Variants in KIF26B observed in about 807,000 individuals in gnomAD.
KIF26B encodes kinesin family member 26B.
A neutral mutation model predicts 151.2 loss-of-function variants in KIF26B; 63 were observed. That is an observed-to-expected ratio of 0.42 (90% CI 0.34 to 0.51). The LOEUF (loss-of-function observed/expected upper bound fraction) is 0.51, where lower values mean the gene tolerates loss of function less well. Ranked by LOEUF, KIF26B falls within the 20% of genes least tolerant of loss-of-function variation. The pLI, the probability that KIF26B is intolerant of heterozygous loss-of-function variation, is 0.07. For missense variants in KIF26B, 2,813 were observed against 2,913.6 expected (o/e 0.97, Z 0.79); for synonymous variants, 1,357 against 1,262.1 (o/e 1.08, Z -1.59).
At chr1:245,547,447 A>G (rs150763975) in intron 5 of KIF26B, among the ~76,000 whole-genome samples, 2,771 of 152,154 alleles carry the variant, frequency 0.018, 84 homozygotes, top group African/African-American at 0.063. Context: ...TTAGCCAGGC[A>G]TGGTGGCAGG....
At chr1:245,371,297 G>C (rs1233743774) in intron 3 of KIF26B, 1 of 152,346 alleles carries the variant, frequency 6.6e-6, no homozygotes, top group African/African-American at 2.4e-5. Flanking sequence ...TCCTGTTGCG[G>C]ACATCTCCCT....
intron 10 of KIF26B, among the ~76,000 whole-genome samples, chr1:245,679,471 T>G (rs1195265336): frequency 1.5e-4 from 21 of 136,720 alleles, no homozygotes; most frequent in South Asian, 5.1e-4. Context: ...TTTTTTTTTT[T>G]TTTTTTTTTT....
intron 11 of KIF26B, 28 bp from the exon 12 acceptor site, chr1:245,685,374 GCCA>G (rs1372966271): frequency 4.5e-6 from 7 of 1,553,784 alleles, no homozygotes; most frequent in Admixed American, 1.8e-5. Flanking sequence ...CCACGGAAAG[GCCA>G]CCACATTAAC....
chr1:245,265,587 C>CTTTT (rs34317893), intron 2 of KIF26B, among the ~76,000 whole-genome samples: 1 of 140,832 alleles, frequency 7.1e-6, no homozygotes, highest in African/African-American at 2.6e-5. Flanking sequence ...TAGAGAATGA[C>CTTTT]TTTTTTTTTT....
chr1:245,221,998 CAG>C (rs1400635409), intron 2 of KIF26B, among the ~76,000 whole-genome samples: 3 of 152,152 alleles, frequency 2.0e-5, no homozygotes, highest in Admixed American at 6.5e-5. Context: ...TTGGCAGAGA[CAG>C]AGAGGGAAAC....
intron 3 of KIF26B, among the ~76,000 whole-genome samples, chr1:245,396,719 C>T (rs968350703): frequency 5.3e-5 from 8 of 152,106 alleles, no homozygotes; most frequent in East Asian, 1.9e-4. Flanking sequence ...ATATAGATGC[C>T]AATTATCCAT....
intron 4 of KIF26B, among the ~76,000 whole-genome samples, chr1:245,532,248 C>CTTTTCTTT (rs374051918): frequency 4.1e-5 from 5 of 121,460 alleles, no homozygotes; most frequent in Non-Finnish European, 6.6e-5. Flanking sequence ...CTTTTCTTTT[C>CTTTTCTTT]TTTTTTTTTT....
intron 4 of KIF26B, among the ~76,000 whole-genome samples, chr1:245,431,624 G>A (rs1216112748): frequency 2.0e-5 from 3 of 152,162 alleles, no homozygotes; most frequent in Admixed American, 6.5e-5. Context: ...GATTACAGGC[G>A]TGAACCACTG....
intron 10 of KIF26B, among the ~76,000 whole-genome samples, chr1:245,668,382 A>G (rs1275225696): frequency 6.6e-6 from 1 of 152,218 alleles, no homozygotes; most frequent in African/African-American, 2.4e-5. Context: ...CCTTCTTTTC[A>G]AACAAAATAA....
At chr1:245,598,503 G>A (rs1558230680) in intron 5 of KIF26B, among the ~76,000 whole-genome samples, 1 of 152,294 alleles carries the variant, frequency 6.6e-6, no homozygotes, top group Middle Eastern at 3.4e-3. Context: ...GCTACGCTCC[G>A]TGACGAGGGA....
At chr1:245,164,602 A>G (rs78124700) in intron 2 of KIF26B, among the ~76,000 whole-genome samples, 4,078 of 152,312 alleles carry the variant, frequency 0.027, 65 homozygotes, top group Admixed American at 0.061. Flanking sequence ...CATATGGGGA[A>G]CTGAAGTCGC....
chr1:245,360,585 T>G (rs1040284534), intron 2 of KIF26B, among the ~76,000 whole-genome samples: 4 of 152,176 alleles, frequency 2.6e-5, no homozygotes, highest in Non-Finnish European at 4.4e-5. Context: ...TTAGAGAGAT[T>G]TGTGAAAAAT....
In KIF26B at chr1:245,707,120, A is replaced by C. The variant is rs1400276403; in HGVS notation, c.*4514A>C. 6.6e-6 allele frequency: 1 copy of C among 152,140 alleles called. No individual in the cohort carries two copies. The highest frequency in any genetic ancestry group is 1.9e-4 in the East Asian group (1 of 5,198). The allele number at this position is 152,140 out of a possible 1,614,324, so 9.4% of individuals were successfully genotyped here. On this transcript the variant is annotated 3_prime_UTR_variant, in exon 15 of 15. Coordinates refer to ENST00000407071, the MANE Select transcript of KIF26B (RefSeq NM_018012.4). Reference sequence around the variant, plus strand: ...TCATTTAAGCTCATCTTCTCAAAAAAATTTTTTCTGAAAATTCCTGGAAAC... The same window carrying C: ...TCATTTAAGCTCATCTTCTCAAAAACATTTTTTCTGAAAATTCCTGGAAAC...
At chr1:245,544,782 A>G (rs1282790295) in intron 5 of KIF26B, among the ~76,000 whole-genome samples, 1 of 152,228 alleles carries the variant, frequency 6.6e-6, no homozygotes, top group Non-Finnish European at 1.5e-5. Flanking sequence ...TTTCAGAGTC[A>G]GGATTGGGAG....
chr1:245,577,611 C>T (rs555245228), intron 5 of KIF26B, among the ~76,000 whole-genome samples: 2 of 149,354 alleles, frequency 1.3e-5, no homozygotes, highest in Admixed American at 6.6e-5. Context: ...TTGTGGAACT[C>T]GGCAGTGCAT....
At chr1:245,542,919 G>A (rs1257704432) in intron 5 of KIF26B, among the ~76,000 whole-genome samples, 3 of 152,190 alleles carry the variant, frequency 2.0e-5, no homozygotes, top group Non-Finnish European at 4.4e-5. Context: ...CTCTAAGCCA[G>A]TTCTCTTCTG....
chr1:245,428,034 T>G (rs1044103632), intron 4 of KIF26B, among the ~76,000 whole-genome samples: 2 of 152,180 alleles, frequency 1.3e-5, no homozygotes, highest in Non-Finnish European at 2.9e-5. Flanking sequence ...CCTCCTTGGA[T>G]GCAGGTAATG....
intron 3 of KIF26B, among the ~76,000 whole-genome samples, chr1:245,411,546 G>A (rs183127478): frequency 1.8e-3 from 275 of 152,244 alleles, no homozygotes; most frequent in Admixed American, 6.3e-3. Flanking sequence ...ATTTCACCTC[G>A]CCGGGGGAGT....
chr1:245,208,417 C>G (rs775650008), intron 2 of KIF26B, among the ~76,000 whole-genome samples: 5 of 152,158 alleles, frequency 3.3e-5, no homozygotes, highest in Admixed American at 6.5e-5. Flanking sequence ...GGGTGTTTCT[C>G]TCTCTAAGGA....
Sources: gnomAD v4.1 joint callset for allele counts (sites outside exome capture counted in the v4.1 genomes callset) on GRCh38, gnomAD v4.1.1 for gene constraint, MANE v1.5 for transcripts, NCBI Gene and HGNC (gene_info 2026-07-23, HGNC 2026-07-21) for gene names.